Variants in B3GLCT observed in about 807,000 individuals in gnomAD.
B3GLCT encodes beta 3-glucosyltransferase, also known as beta-1,3-glucosyltransferase.
A neutral mutation model predicts 63.4 loss-of-function variants in B3GLCT; 65 were observed. That is an observed-to-expected ratio of 1.03 (90% CI 0.84 to 1.26). The LOEUF (loss-of-function observed/expected upper bound fraction) is 1.26, where lower values mean the gene tolerates loss of function less well. Ranked by LOEUF, B3GLCT falls within the 50% of genes most tolerant of loss-of-function variation. The pLI is 0.00. For missense variants in B3GLCT, 577 were observed against 604.8 expected (o/e 0.95, Z 0.48); for synonymous variants, 233 against 219.2 (o/e 1.06, Z -0.55).
At chr13:31,200,503 C>T (rs1302365082) in intron 1 of B3GLCT, among the ~76,000 whole-genome samples, 2 of 150,206 alleles carry the variant, frequency 1.3e-5, no homozygotes, top group African/African-American at 4.8e-5. Flanking sequence ...AGGAAGCGCG[C>T]AGGAACTGTG....
intron 2 of B3GLCT, among the ~76,000 whole-genome samples, chr13:31,221,126 T>C: frequency 6.6e-6 from 1 of 152,190 alleles, no homozygotes. Context: ...CTTGGGAAAA[T>C]GATTTATCTT....
intron 4 of B3GLCT, among the ~76,000 whole-genome samples, chr13:31,235,450 G>A (rs1870600989): frequency 6.6e-6 from 1 of 152,068 alleles, no homozygotes; most frequent in African/African-American, 2.4e-5. Context: ...AGTCGGAGCA[G>A]ACTGAAGGGC....
intron 6 of B3GLCT, among the ~76,000 whole-genome samples, chr13:31,260,117 TC>T (rs1871953586): frequency 6.6e-6 from 1 of 152,190 alleles, no homozygotes; most frequent in Admixed American, 6.5e-5. Context: ...ACCCAGTAGC[TC>T]CAGCCACTGG....
chr13:31,255,953 T>C (rs182321188), intron 6 of B3GLCT, among the ~76,000 whole-genome samples: 1 of 152,268 alleles, frequency 6.6e-6, no homozygotes, highest in South Asian at 2.1e-4. Flanking sequence ...TGGCATCTGA[T>C]TAAACTAAAG....
Position 31,200,144 on chromosome 13 carries a change from CT to C in B3GLCT, c.61del (p.Cys21AlafsTer33). On this transcript the variant is annotated frameshift_variant, in exon 1 of 15. Transcript: ENST00000343307. LOFTEE classifies it high-confidence loss of function. Reference protein sequence around the residue: ...APPALLALLTCSLAFGLASED... With the variant: ...APPALLALLTXSLAFGLASED... Reference sequence around the variant, plus strand: ...CGCCGGCGCTGCTCGCGCTCCTCACCTGCTCCCTGGGTAAGTAGCGGGCGGC... The same window carrying C: ...CGCCGGCGCTGCTCGCGCTCCTCACCGCTCCCTGGGTAAGTAGCGGGCGGC... The C allele has an allele frequency of 7.4e-7, 1 of 1,358,406 alleles. No individual in the cohort carries two copies. The highest frequency in any genetic ancestry group is 1.5e-5 in the South Asian group (1 of 68,756). The allele number at this position is 1,358,406 out of a possible 1,614,324, so 84.1% of individuals were successfully genotyped here. A position where few individuals can be genotyped will look rare whatever the true frequency, so the allele number is the denominator to read the frequency against.
chr13:31,328,717 A>AACAAC (rs57094878), intron 14 of B3GLCT, among the ~76,000 whole-genome samples: 1 of 149,594 alleles, frequency 6.7e-6, no homozygotes, highest in East Asian at 2.0e-4. Context: ...AAAAAAAAAA[A>AACAAC]GGTTTACCGA....
At chr13:31,224,630 G>T (rs1424752471) in intron 3 of B3GLCT, among the ~76,000 whole-genome samples, 1 of 151,978 alleles carries the variant, frequency 6.6e-6, no homozygotes. Context: ...ACGGGATGCT[G>T]TTTCTCCTTC....
At position 31,329,658 on chromosome 13, in the gene B3GLCT, A is replaced by G. The variant is rs1875814798; in HGVS notation, c.1487A>G (p.Glu496Gly). The stretch of plus-strand genomic sequence containing the variant: ...CAGGAGACACAGAAAGGTTTTCGAG[A>G]GGAGTTATAAATCAGGGTGACCTGT... ...ARQETQKGFR[E>G]EL The change falls in exon 15 of 15, where the codon GAG becomes GGG. Residue 496 changes from glutamate to glycine, a missense_variant. By Grantham distance (98) the Glu-to-Gly change is moderately conservative (BLOSUM62 -2). Coordinates refer to ENST00000343307, the MANE Select transcript of B3GLCT (RefSeq NM_194318.4). 1.2e-6 allele frequency: 2 copies of G among 1,614,164 alleles called. No individual in the cohort carries two copies. The highest frequency in any genetic ancestry group is 1.7e-6 in the Non-Finnish European group (2 of 1,180,018).
chr13:31,247,898 T>C lies in B3GLCT; in HGVS notation c.391T>C (p.Cys131Arg). ...YSRNSSWIFF[C>R]EEETRIQIPK... is the part of the protein sequence containing the mutation. Reference sequence around the variant, plus strand: ...CAGAAATTCATCTTGGATTTTCTTCTGTGAAGAAGAGACAAGAATACAGAT... The same window carrying C: ...CAGAAATTCATCTTGGATTTTCTTCCGTGAAGAAGAGACAAGAATACAGAT... Residue 131 changes from cysteine to arginine, a missense_variant, in exon 6 of 15, where the codon TGT becomes CGT. Transcript: ENST00000343307. 1 of 1,611,480 alleles carries C rather than the reference T, an allele frequency of 6.2e-7. No homozygotes were observed. The highest frequency in any genetic ancestry group is 8.5e-7 in the Non-Finnish European group (1 of 1,177,848).
intron 4 of B3GLCT, among the ~76,000 whole-genome samples, chr13:31,237,510 C>T (rs1481181682): frequency 1.3e-5 from 2 of 152,178 alleles, no homozygotes; most frequent in African/African-American, 2.4e-5. Context: ...CCTACTACCA[C>T]GCCTGGCTGA....
chr13:31,290,678 A>T (rs1444423386), intron 12 of B3GLCT, among the ~76,000 whole-genome samples: 1 of 152,124 alleles, frequency 6.6e-6, no homozygotes, highest in Non-Finnish European at 1.5e-5. Flanking sequence ...GCGTCTGTTC[A>T]TATCCTTTGT....
At chr13:31,264,902 G>A (rs2137837382) in intron 7 of B3GLCT, among the ~76,000 whole-genome samples, 1 of 152,300 alleles carries the variant, frequency 6.6e-6, no homozygotes, top group Non-Finnish European at 1.5e-5. Context: ...TGTAATTGGG[G>A]TGAGGTCTGT....
intron 4 of B3GLCT, 85 bp downstream of exon 4, chr13:31,229,379 T>G: frequency 1.2e-6 from 1 of 842,842 alleles, no homozygotes; most frequent in African/African-American, 1.7e-5. Context: ...CCGTGGAGAA[T>G]CAGTTTTTAT....
intron 12 of B3GLCT, among the ~76,000 whole-genome samples, chr13:31,288,707 TCTTA>T (rs1873478223): frequency 6.6e-6 from 1 of 152,116 alleles, no homozygotes; most frequent in African/African-American, 2.4e-5. Context: ...AGCCAAGGTG[TCTTA>T]CTTAACCAAC....
chr13:31,229,169 T>C lies in B3GLCT; in HGVS notation c.161-16T>C, dbSNP rs1048466677. The stretch of plus-strand genomic sequence containing the variant: ...TGTAAAAAGAAATACCTGAAAACTA[T>C]TTTTTTTTGTTCTAGACTTAAAAGG... On this transcript the variant is annotated splice_polypyrimidine_tract_variant and intron_variant, in intron 3 of 14. Transcript: ENST00000343307. 2.2e-6 allele frequency: 3 copies of C among 1,336,554 alleles called. No individual in the cohort carries two copies. Among genetic ancestry groups the C allele is most frequent in the Non-Finnish European group, 3.2e-6 (3 of 942,496 alleles). 82.8% of individuals were successfully genotyped at this position (1,336,554 alleles called of 1,614,324 possible).
Position 31,215,033 on chromosome 13 carries a change from T to A in B3GLCT, c.71-18T>A. 1 of 978 alleles carries A rather than the reference T, an allele frequency of 1.0e-3. No homozygotes were observed. The highest frequency in any genetic ancestry group is 2.9e-3 in the Non-Finnish European group (1 of 342). 0.1% of individuals were successfully genotyped at this position (978 alleles called of 1,614,324 possible). ...GCTAATTCTAAGGTAGAAATATTTC[T>A]TTTTTTTTTTTTTCCAGCTTTTGGT... On this transcript the variant is annotated intron_variant, in intron 1 of 14. Transcript: ENST00000343307.
intron 3 of B3GLCT, 75 bp from the exon 4 acceptor site, chr13:31,229,110 T>C (rs1870242292): frequency 2.1e-6 from 2 of 972,796 alleles, no homozygotes; most frequent in South Asian, 2.9e-5. Flanking sequence ...TGTAGCTATT[T>C]TTTCACTTGT....
At chr13:31,206,980 TAG>T (rs1791481146) in intron 1 of B3GLCT, among the ~76,000 whole-genome samples, 1 of 152,150 alleles carries the variant, frequency 6.6e-6, no homozygotes, top group South Asian at 2.1e-4. Flanking sequence ...TATCAAAAGT[TAG>T]AGCCGTGAGT....
intron 12 of B3GLCT, among the ~76,000 whole-genome samples, chr13:31,317,139 A>G (rs577898198): frequency 2.8e-4 from 43 of 152,306 alleles, no homozygotes; most frequent in African/African-American, 9.4e-4. Context: ...TTAGGCCATC[A>G]GGAATTTTTT....
Sources: allele counts gnomAD v4.1 joint callset (sites outside exome capture counted in the v4.1 genomes callset), GRCh38; gene constraint gnomAD v4.1.1; transcripts MANE v1.5; gene names NCBI Gene and HGNC (gene_info 2026-07-23, HGNC 2026-07-21).